The following RPTOR variants were observed in gnomAD, a reference collection of about 807,000 sequenced individuals.
RPTOR encodes the protein regulatory associated protein of MTOR complex 1, also known as regulatory-associated protein of mTOR.
Under a neutral mutation model 169.9 loss-of-function variants are expected in RPTOR, and 21 were observed. The observed-to-expected ratio is 0.12, with a 90% CI of 0.09 to 0.18. RPTOR has a LOEUF of 0.18. RPTOR is among the 10% of genes least tolerant of loss of function. RPTOR has a pLI of 1.00. For synonymous variants in RPTOR, 732 were observed against 753.2 expected (o/e 0.97, Z 0.46); for missense variants, 1,133 against 1,855.9 (o/e 0.61, Z 7.16).
chr17:80,892,643 C>T (rs867485468), intron 18 of RPTOR, 86 bp from the exon 19 acceptor site: 22 of 1,477,178 alleles, frequency 1.5e-5, no homozygotes, highest in South Asian at 6.1e-5. Context: ...CTGCCGTCAC[C>T]GAGTGTCCCA....
intron 1 of RPTOR, among the ~76,000 whole-genome samples, chr17:80,583,191 T>TG (rs112751788): frequency 0.02 from 2,620 of 132,128 alleles, 108 homozygotes; most frequent in African/African-American, 0.07. Flanking sequence ...TGTTTTTTTT[T>TG]TTTTTTTTTT....
intron 3 of RPTOR, among the ~76,000 whole-genome samples, chr17:80,683,196 A>T (rs982483577): frequency 1.3e-5 from 2 of 152,096 alleles, no homozygotes; most frequent in African/African-American, 2.4e-5. Context: ...CGGCTTTTTG[A>T]TGGCACTTCA....
At chr17:80,604,548 G>C (rs1462778142) in intron 1 of RPTOR, among the ~76,000 whole-genome samples, 9 of 152,232 alleles carry the variant, frequency 5.9e-5, no homozygotes, top group Non-Finnish European at 1.0e-4. Context: ...TGTTGGTCCA[G>C]AAGGTAAAAT....
At chr17:80,896,751 C>T (rs544518911) in intron 20 of RPTOR, among the ~76,000 whole-genome samples, 3 of 152,288 alleles carry the variant, frequency 2.0e-5, no homozygotes, top group Non-Finnish European at 4.4e-5. Flanking sequence ...GTTTGAATGG[C>T]GCTGAATTGG....
intron 9 of RPTOR, among the ~76,000 whole-genome samples, chr17:80,824,638 C>G (rs1205313271): frequency 2.0e-5 from 3 of 152,160 alleles, no homozygotes; most frequent in East Asian, 3.8e-4. Context: ...AGTGCCACAT[C>G]AGATCCTGGA....
rs1446471335 is a variant in RPTOR, at chr17:80,633,565, A to G, written c.265+7772A>G. Among the ~76,000 whole-genome samples, 1 of 152,218 alleles carries G rather than the reference A, an allele frequency of 6.6e-6. No individual in the cohort carries two copies. Among genetic ancestry groups the G allele is most frequent in the Non-Finnish European group, 1.5e-5 (1 of 68,040 alleles). On this transcript the variant is annotated intron_variant, in intron 2 of 33. Transcript: ENST00000306801. This position sits in a 1 kb window ranked among gnomAD's most constrained non-coding sequence, Gnocchi z 4.1. ...AGCATCACGCAGAGCTGCCTGCTTC[A>G]CGCGGGCTGCACCAGGTGATGCGGG...
At chr17:80,615,482 T>A (rs1444531517) in intron 1 of RPTOR, among the ~76,000 whole-genome samples, 1 of 152,068 alleles carries the variant, frequency 6.6e-6, no homozygotes, top group Non-Finnish European at 1.5e-5. Flanking sequence ...ATATGGAAGG[T>A]GTTAAGAAGA....
intron 19 of RPTOR, among the ~76,000 whole-genome samples, chr17:80,893,092 G>A (rs1045806288): frequency 6.6e-6 from 1 of 152,246 alleles, no homozygotes; most frequent in African/African-American, 2.4e-5. Flanking sequence ...TACCAATGCG[G>A]CAGGGAGCTC....
At chr17:80,655,624 T>TGGA (rs902318013) in intron 3 of RPTOR, among the ~76,000 whole-genome samples, 2 of 150,868 alleles carry the variant, frequency 1.3e-5, no homozygotes, top group Non-Finnish European at 3.0e-5. Flanking sequence ...TCACTCAGGC[T>TGGA]GGAGTGCGGT....
chr17:80,824,040 T>C (rs923935623), intron 9 of RPTOR, among the ~76,000 whole-genome samples: 1 of 152,260 alleles, frequency 6.6e-6, no homozygotes, highest in Non-Finnish European at 1.5e-5. Context: ...TTGTGTTTTC[T>C]TTTTAAACGT....
intron 1 of RPTOR, among the ~76,000 whole-genome samples, chr17:80,546,994 G>T (rs986476116): frequency 6.6e-6 from 1 of 152,116 alleles, no homozygotes; most frequent in Non-Finnish European, 1.5e-5. Context: ...GCTTGAACCT[G>T]GGAGGCAGAG....
rs2048537446 is a variant in RPTOR, at chr17:80,708,653, C to G, written c.507+654C>G. On this transcript the variant is annotated intron_variant, in intron 4 of 33. Transcript: ENST00000306801. The surrounding 1 kb of genome is among the most constrained non-coding windows in gnomAD (Gnocchi z 4.2). ...CTCATCCTCCAGGGTGTGGTGGGTG[C>G]TGACTGTTGTCCCCACCCTCCAGGG... 7.7e-6 allele frequency among the ~76,000 whole-genome samples: 1 copy of G among 130,470 alleles called. No homozygotes were observed. Among genetic ancestry groups the G allele is most frequent in the African/African-American group, 3.6e-5 (1 of 27,612 alleles). The allele number at this position is 130,470 out of a possible 152,430, so 85.6% of individuals were successfully genotyped here.
At chr17:80,874,233 T>C (rs2068081831) in intron 13 of RPTOR, among the ~76,000 whole-genome samples, 1 of 151,620 alleles carries the variant, frequency 6.6e-6, no homozygotes, top group Non-Finnish European at 1.5e-5. Context: ...AGTCTTGCTC[T>C]GTCACCAGGC....
chr17:80,917,069 G>T (rs967577889), intron 21 of RPTOR, among the ~76,000 whole-genome samples: 2 of 151,996 alleles, frequency 1.3e-5, no homozygotes, highest in Non-Finnish European at 2.9e-5. Context: ...TAAGCCTGAT[G>T]CCTGGCTTCA....
chr17:80,876,537 T>C (rs183706698), intron 13 of RPTOR, among the ~76,000 whole-genome samples: 891 of 42,640 alleles, frequency 0.021, 185 homozygotes, highest in Admixed American at 0.037. Flanking sequence ...TCGCCTGCCG[T>C]GTCTTCCCAC....
chr17:80,856,893 A>G (rs565474421), intron 12 of RPTOR, among the ~76,000 whole-genome samples: 2 of 152,290 alleles, frequency 1.3e-5, no homozygotes, highest in African/African-American at 4.8e-5. Context: ...TTACAGGTAC[A>G]GATTTTGCCT....
At chr17:80,625,927 G>C in intron 2 of RPTOR, 134 bp downstream of exon 2, 1 of 641,010 alleles carries the variant, frequency 1.6e-6, no homozygotes, top group Non-Finnish European at 2.8e-6. Flanking sequence ...TTTCTTTCTG[G>C]AGTCACATCA....
chr17:80,770,453 C>G (rs994654168), intron 6 of RPTOR, among the ~76,000 whole-genome samples: 1 of 152,124 alleles, frequency 6.6e-6, no homozygotes, highest in Non-Finnish European at 1.5e-5. Flanking sequence ...GTGCCCAGGG[C>G]ATTTGGGGAC....
At chr17:80,591,121 C>T (rs1230101395) in intron 1 of RPTOR, among the ~76,000 whole-genome samples, 3 of 137,986 alleles carry the variant, frequency 2.2e-5, no homozygotes, top group South Asian at 2.3e-4. Flanking sequence ...AATTCTGTAC[C>T]GTGGTTTTGC....
Sources: allele counts gnomAD v4.1 joint callset (sites outside exome capture counted in the v4.1 genomes callset), GRCh38; gene constraint gnomAD v4.1.1; non-coding constraint Gnocchi (gnomAD v3.1); transcripts MANE v1.5; gene names NCBI Gene and HGNC (gene_info 2026-07-23, HGNC 2026-07-21).